Variants in TTC27 observed in about 807,000 individuals in gnomAD.
TTC27 encodes the protein tetratricopeptide repeat domain 27.
In TTC27, 79 loss-of-function variants were observed where a neutral mutation model predicts 115.9. That is an observed-to-expected ratio of 0.68 (90% confidence interval 0.57 to 0.82). TTC27 has a LOEUF of 0.82. Among genes scored for constraint, TTC27 ranks in the 40% least tolerant of loss-of-function variants. The probability of loss-of-function intolerance (pLI) is 0.00; values close to 1 mark genes in which losing one functional copy is unlikely to be tolerated. For missense variants in TTC27, 1,054 were observed against 993.1 expected, an observed-to-expected ratio of 1.06 and a Z score of -0.82; for synonymous variants, 401 against 356.0, an observed-to-expected ratio of 1.13 and a Z score of -1.42.
At chr2:32,808,257 T>A (rs1001815478) in intron 16 of TTC27, among the ~76,000 whole-genome samples, 2 of 152,168 alleles carry the variant, frequency 1.3e-5, no homozygotes, top group Non-Finnish European at 2.9e-5. Flanking sequence ...TCTTAAATGT[T>A]GTGTTCTTTA....
At chr2:32,666,812 C>A in intron 7 of TTC27, 44 bp downstream of exon 7, 1 of 1,596,618 alleles carries the variant, frequency 6.3e-7, no homozygotes, top group Non-Finnish European at 8.5e-7. Flanking sequence ...ACACCTGAGT[C>A]TAAGAATTTC....
At chr2:32,798,363 G>A (rs1210148713) in intron 16 of TTC27, among the ~76,000 whole-genome samples, 4 of 151,148 alleles carry the variant, frequency 2.6e-5, no homozygotes, top group African/African-American at 9.7e-5. Context: ...TGGCGCCACT[G>A]CACTCCAGCC....
Position 32,664,196 on chromosome 2 carries a change from A to G in TTC27, c.641-107A>G, listed in dbSNP as rs542800240. On this transcript the variant is annotated intron_variant, in intron 5 of 19. Transcript: ENST00000317907. ...GGTCTTATGTTTAAAATTATTTAAC[A>G]ACAGAGACTATGTACTATATACTTT... 1.1e-4 allele frequency: 108 copies of G among 974,680 alleles called. No homozygotes were observed. The South Asian group carries it at 2.2e-3, about 20-fold the overall frequency. The allele number at this position is 974,680 out of a possible 1,614,324, so 60.4% of individuals were successfully genotyped here.
chr2:32,697,431 G>C (rs895648558), intron 9 of TTC27, among the ~76,000 whole-genome samples: 4 of 152,144 alleles, frequency 2.6e-5, no homozygotes, highest in African/African-American at 9.7e-5. Flanking sequence ...CATCTGAGCA[G>C]TTTAGCTGTT....
chr2:32,808,916 CAG>C (rs1242592359), intron 16 of TTC27, among the ~76,000 whole-genome samples: 1 of 152,206 alleles, frequency 6.6e-6, no homozygotes, highest in African/African-American at 2.4e-5. Flanking sequence ...AGTACACATT[CAG>C]ACTGTTTCTT....
chr2:32,808,540 C>T lies in TTC27; in HGVS notation c.1999-2484C>T, dbSNP rs144683889. Among the ~76,000 whole-genome samples the T allele has an allele frequency of 9.8e-5, 15 of 152,320 alleles. No individual in the cohort carries two copies. The East Asian group carries it at 2.9e-3, about 29-fold the overall frequency. ...CCTACAGTTCTATCCCCTGTCTACC[C>T]CCCACAACAGACAGAAGCTTCACCT... is the stretch of plus-strand genomic sequence containing the variant. On this transcript the variant is annotated intron_variant, in intron 16 of 19. Transcript: ENST00000317907.
At chr2:32,673,622 A>T (rs1205396997) in intron 8 of TTC27, among the ~76,000 whole-genome samples, 1 of 152,162 alleles carries the variant, frequency 6.6e-6, no homozygotes, top group East Asian at 1.9e-4. Context: ...TTGCCCCACT[A>T]CTGGTGATGT....
At chr2:32,725,103 C>T (rs985361111) in intron 10 of TTC27, among the ~76,000 whole-genome samples, 30 of 152,128 alleles carry the variant, frequency 2.0e-4, no homozygotes, top group African/African-American at 7.0e-4. Context: ...CCCACTGGGT[C>T]CCTCCCACAA....
intron 9 of TTC27, among the ~76,000 whole-genome samples, chr2:32,682,682 T>TC (rs1342821785): frequency 6.6e-6 from 1 of 150,616 alleles, no homozygotes; most frequent in Non-Finnish European, 1.5e-5. Flanking sequence ...TTTTTTTTTT[T>TC]TTTGAAATGG....
chr2:32,737,444 T>C (rs1668484507), intron 12 of TTC27, among the ~76,000 whole-genome samples: 1 of 152,096 alleles, frequency 6.6e-6, no homozygotes, highest in Non-Finnish European at 1.5e-5. Flanking sequence ...GGATTAAAAA[T>C]TTAAAAGACT....
At chr2:32,762,274 GAA>G (rs1406006015) in intron 13 of TTC27, among the ~76,000 whole-genome samples, 5 of 140,076 alleles carry the variant, frequency 3.6e-5, no homozygotes, top group Non-Finnish European at 7.7e-5. Flanking sequence ...AACACAGAGA[GAA>G]GTGTGTGTGT....
At chr2:32,655,930 C>T (rs1226979000) in intron 5 of TTC27, among the ~76,000 whole-genome samples, 1 of 152,068 alleles carries the variant, frequency 6.6e-6, no homozygotes, top group Non-Finnish European at 1.5e-5. Flanking sequence ...AATTCAGTTC[C>T]TCAGTTTCAC....
At chr2:32,669,586 T>G (rs1377599945) in intron 7 of TTC27, among the ~76,000 whole-genome samples, 1 of 152,164 alleles carries the variant, frequency 6.6e-6, no homozygotes, top group Admixed American at 6.5e-5. Context: ...ATATCCTGAT[T>G]GGAAATGTTA....
intron 10 of TTC27, among the ~76,000 whole-genome samples, chr2:32,727,798 A>T (rs10199160): frequency 0.33 from 50,697 of 151,958 alleles, 8,939 homozygotes; most frequent in Non-Finnish European, 0.39. Flanking sequence ...ATTTTTGTTA[A>T]TGTCATAGAT....
chr2:32,718,016 T>A (rs1021864212), intron 10 of TTC27, among the ~76,000 whole-genome samples: 3 of 152,164 alleles, frequency 2.0e-5, no homozygotes, highest in Admixed American at 1.3e-4. Flanking sequence ...TTGTATGAAT[T>A]AATATTTAGA....
chr2:32,741,320 A>G (rs932981062), intron 12 of TTC27, among the ~76,000 whole-genome samples: 2 of 152,060 alleles, frequency 1.3e-5, no homozygotes, highest in African/African-American at 4.8e-5. Flanking sequence ...TGATCTACTA[A>G]ATGTAAGCTG....
At chr2:32,782,571 C>CA in intron 14 of TTC27, 55 bp from the exon 15 acceptor site, 1 of 1,527,520 alleles carries the variant, frequency 6.5e-7, no homozygotes, top group South Asian at 1.2e-5. Context: ...TTGGTTTAAG[C>CA]AATAATTTTA....
intron 16 of TTC27, among the ~76,000 whole-genome samples, chr2:32,789,503 A>G (rs963847238): frequency 6.6e-6 from 1 of 152,200 alleles, no homozygotes; most frequent in African/African-American, 2.4e-5. Flanking sequence ...ATACCAAAGG[A>G]TATAATTTTG....
chr2:32,700,874 C>T (rs115150465), intron 9 of TTC27, among the ~76,000 whole-genome samples: 1,987 of 152,270 alleles, frequency 0.013, 23 homozygotes, highest in Non-Finnish European at 0.018. Context: ...ATAATAAAAT[C>T]TGACAAGTAG....
Sources: gnomAD v4.1 joint callset for allele counts (sites outside exome capture counted in the v4.1 genomes callset) on GRCh38, gnomAD v4.1.1 for gene constraint, MANE v1.5 for transcripts, NCBI Gene and HGNC (gene_info 2026-07-23, HGNC 2026-07-21) for gene names.